MRPS28: variants seen among roughly 807,000 people sequenced by gnomAD.
The protein encoded by MRPS28 is small ribosomal subunit protein bS1m.
In MRPS28, 7 loss-of-function variants were observed where a neutral mutation model predicts 10.8. That is an observed-to-expected ratio of 0.65 (90% CI 0.37 to 1.22). The LOEUF (loss-of-function observed/expected upper bound fraction) is 1.22. Ranked by LOEUF, MRPS28 falls within the 50% of genes most tolerant of loss-of-function variation. The probability of loss-of-function intolerance (pLI) is 0.02; values close to 1 mark genes in which losing one functional copy is unlikely to be tolerated. For missense variants in MRPS28, 265 were observed against 232.9 expected (o/e 1.14, Z -0.90); for synonymous variants, 121 against 93.3 (o/e 1.30, Z -1.71).
At chr8:79,989,389 A>T (rs1055246644) in intron 2 of MRPS28, among the ~76,000 whole-genome samples, 1 of 152,178 alleles carries the variant, frequency 6.6e-6, no homozygotes, top group Non-Finnish European at 1.5e-5. Context: ...AAAGGAGATA[A>T]GGTTATCTTC....
chr8:79,964,878 C>A (rs1323767462), intron 2 of MRPS28, among the ~76,000 whole-genome samples: 1 of 151,972 alleles, frequency 6.6e-6, no homozygotes, highest in African/African-American at 2.4e-5. Flanking sequence ...AGCCCTACAG[C>A]GAAGGAAGTG....
chr8:80,005,746 C>T (rs556693706), intron 1 of MRPS28, among the ~76,000 whole-genome samples: 13 of 152,186 alleles, frequency 8.5e-5, no homozygotes, highest in South Asian at 2.1e-4. Context: ...ACCCATCTCA[C>T]GTGCAGAGAC....
chr8:80,003,414 C>T (rs1247574693), intron 1 of MRPS28, among the ~76,000 whole-genome samples: 4 of 152,158 alleles, frequency 2.6e-5, no homozygotes, highest in Admixed American at 2.6e-4. Context: ...GCCTGTTATC[C>T]CAGCACTTTG....
intron 2 of MRPS28, among the ~76,000 whole-genome samples, chr8:79,999,843 G>C (rs1586087061): frequency 6.6e-6 from 1 of 152,262 alleles, no homozygotes; most frequent in South Asian, 2.1e-4. Flanking sequence ...TTCAGAGATA[G>C]CTGAAGCCTT....
intron 2 of MRPS28, among the ~76,000 whole-genome samples, chr8:79,985,888 T>C (rs1410271577): frequency 1.3e-5 from 2 of 151,876 alleles, no homozygotes; most frequent in East Asian, 3.9e-4. Flanking sequence ...ACTATTCCAA[T>C]CAATAGAAAA....
In MRPS28 at chr8:80,030,173, A is replaced by G. The variant is rs778345069; in HGVS notation, c.76T>C (p.Phe26Leu). ...CCACTCTCAGTGCCTACACCCCGAA[A>G]GGGCCTGAAGAAGAGAAACACTCGC... is the stretch of plus-strand genomic sequence containing the variant. The part of the protein sequence containing the change: ...FLRVFLFFRP[F>L]RGVGTESGSE... Residue 26 changes from phenylalanine to leucine, a missense_variant, in exon 1 of 3, where the codon TTT becomes CTT. Coordinates refer to ENST00000276585, the MANE Select transcript of MRPS28 (RefSeq NM_014018.3). The G allele has an allele frequency of 6.2e-7, 1 of 1,614,000 alleles. No individual in the cohort carries two copies. The highest frequency in any genetic ancestry group is 1.1e-5 in the South Asian group (1 of 91,092).
intron 1 of MRPS28, among the ~76,000 whole-genome samples, chr8:80,011,407 A>AT (rs11424455): frequency 0.69 from 101,480 of 146,734 alleles, 35,045 homozygotes; most frequent in East Asian, 0.83. Flanking sequence ...CGCTTTGGCT[A>AT]TTTTTTTTTT....
At chr8:79,957,064 G>A (rs1807235366) in intron 2 of MRPS28, 1 of 152,172 alleles carries the variant, frequency 6.6e-6, no homozygotes, top group Non-Finnish European at 1.5e-5. Flanking sequence ...TTCTTGAACA[G>A]TCTATGCTTG....
chr8:79,929,035 G>A (rs553172693), intron 2 of MRPS28, among the ~76,000 whole-genome samples: 2 of 152,204 alleles, frequency 1.3e-5, no homozygotes, highest in Admixed American at 6.5e-5. Context: ...AACAAAGCGA[G>A]ACTCCGTCTC....
intron 2 of MRPS28, among the ~76,000 whole-genome samples, chr8:79,973,097 C>G (rs146455290): frequency 1.3e-5 from 2 of 152,268 alleles, no homozygotes; most frequent in African/African-American, 2.4e-5. Flanking sequence ...GCCACTATAA[C>G]CATACAACAA....
chr8:79,936,706 A>T (rs1806612955), intron 2 of MRPS28, among the ~76,000 whole-genome samples: 1 of 152,272 alleles, frequency 6.6e-6, no homozygotes, highest in Non-Finnish European at 1.5e-5. Context: ...TTAATAAACA[A>T]AAATGTTAGG....
intron 2 of MRPS28, among the ~76,000 whole-genome samples, chr8:79,969,408 A>G (rs1807575413): frequency 6.6e-6 from 1 of 152,210 alleles, no homozygotes; most frequent in South Asian, 2.1e-4. Context: ...TTAAAACTGT[A>G]TAAAGAACTG....
intron 2 of MRPS28, among the ~76,000 whole-genome samples, chr8:79,976,561 C>T (rs1379314357): frequency 1.3e-5 from 2 of 152,004 alleles, no homozygotes; most frequent in East Asian, 1.9e-4. Flanking sequence ...AAAAAATTAG[C>T]TGGGCATGGT....
chr8:79,995,201 T>C (rs1039981645), intron 2 of MRPS28, among the ~76,000 whole-genome samples: 4 of 152,226 alleles, frequency 2.6e-5, no homozygotes, highest in African/African-American at 4.8e-5. Flanking sequence ...TAGCACATAA[T>C]AGATGCTCAT....
chr8:79,921,991 A>C (rs1171902477), intron 2 of MRPS28, among the ~76,000 whole-genome samples: 12 of 152,196 alleles, frequency 7.9e-5, no homozygotes, highest in Admixed American at 7.9e-4. Flanking sequence ...TTTTAGCATG[A>C]AGAGTTGTTG....
At chr8:80,000,344 T>C (rs989026541) in intron 2 of MRPS28, among the ~76,000 whole-genome samples, 4 of 152,134 alleles carry the variant, frequency 2.6e-5, no homozygotes, top group Non-Finnish European at 4.4e-5. Context: ...AATAGAGAAA[T>C]TACTACAGAT....
intron 1 of MRPS28, among the ~76,000 whole-genome samples, chr8:80,027,625 T>C (rs1343451570): frequency 6.6e-6 from 1 of 152,222 alleles, no homozygotes; most frequent in African/African-American, 2.4e-5. Context: ...TGTAATGACC[T>C]GAACCAGGGA....
At chr8:79,983,960 G>T (rs537979035) in intron 2 of MRPS28, among the ~76,000 whole-genome samples, 1 of 152,064 alleles carries the variant, frequency 6.6e-6, no homozygotes, top group African/African-American at 2.4e-5. Flanking sequence ...GCAACTCCAA[G>T]ACACATAATT....
At chr8:80,011,471 G>T (rs1382075095) in intron 1 of MRPS28, among the ~76,000 whole-genome samples, 2 of 151,714 alleles carry the variant, frequency 1.3e-5, no homozygotes, top group East Asian at 3.9e-4. Flanking sequence ...TAAATGACAG[G>T]GGCTAGGCAT....
Sources: gnomAD v4.1 joint callset for allele counts (sites outside exome capture counted in the v4.1 genomes callset) on GRCh38, gnomAD v4.1.1 for gene constraint, MANE v1.5 for transcripts, NCBI Gene and HGNC (gene_info 2026-07-23, HGNC 2026-07-21) for gene names.